SHOC1: variants seen among roughly 807,000 people sequenced by gnomAD.
SHOC1 encodes shortage in chiasmata 1.
Under a neutral mutation model 179.2 loss-of-function variants are expected in SHOC1, and 136 were observed. The ratio of observed to expected loss-of-function variants is 0.76; its 90% confidence interval spans 0.66 to 0.87. The LOEUF (loss-of-function observed/expected upper bound fraction) is 0.87. Ranked by LOEUF, SHOC1 falls within the 40% of genes least tolerant of loss-of-function variation. SHOC1 has a pLI of 0.00. For missense variants in SHOC1, 1,538 were observed against 1,700.8 expected, an observed-to-expected ratio of 0.90 and a Z score of 1.68; for synonymous variants, 489 against 586.6, an observed-to-expected ratio of 0.83 and a Z score of 2.41.
In SHOC1 at chr9:111,693,885, T is replaced by C. The variant is rs199889223; in HGVS notation, c.3379A>G (p.Lys1127Glu). 6.2e-7 allele frequency: 1 copy of C among 1,612,238 alleles called. No homozygotes were observed. The highest frequency in any genetic ancestry group is 2.2e-5 in the East Asian group (1 of 44,772). ...AATATCCAATGCAGTGAAGGTCCTTTATTTAGCATGAGCTGAGCCACCAAT... is the reference window on the plus strand; with the variant it reads ...AATATCCAATGCAGTGAAGGTCCTTCATTTAGCATGAGCTGAGCCACCAAT... ...NPLVAQLMLNKGPSLHWILLA... is the reference protein window; with the variant it reads ...NPLVAQLMLNEGPSLHWILLA... Residue 1127 changes from lysine to glutamate, a missense_variant, in exon 26 of 28, where the codon AAA (lysine) becomes GAA (glutamate). Lys to Glu is a moderately conservative substitution (Grantham distance 56). Transcript: ENST00000682961.
intron 1 of SHOC1, among the ~76,000 whole-genome samples, chr9:111,794,511 G>A (rs1355386537): frequency 6.6e-6 from 1 of 152,108 alleles, no homozygotes; most frequent in Non-Finnish European, 1.5e-5. Flanking sequence ...TTGAACTCGG[G>A]AGGCAGAGGT....
At position 111,691,737 on chromosome 9, in the gene SHOC1, T is replaced by C. The variant is rs1381052931; in HGVS notation, c.4240A>G (p.Lys1414Glu). 1 of 1,614,066 alleles carries C rather than the reference T, an allele frequency of 6.2e-7. No individual in the cohort carries two copies. Among genetic ancestry groups the C allele is most frequent in the African/African-American group, 1.3e-5 (1 of 75,060 alleles). ...ESEGLTCESSKDETFWRELPS... is the reference protein window; with the variant it reads ...ESEGLTCESSEDETFWRELPS... ...AATTCTCTCCAGAAAGTCTCATCTT[T>C]TGAACTTTCACATGTGAGGCCTTCA... The change falls in exon 27 of 28, where the codon AAA becomes GAA. Residue 1414 changes from lysine (K) to glutamate (E), a missense_variant. By Grantham distance (56) the Lys-to-Glu change is moderately conservative (BLOSUM62 1). Transcript: ENST00000682961.
intron 9 of SHOC1, 149 bp downstream of exon 9, chr9:111,747,943 G>A (rs1032374641): frequency 2.7e-5 from 14 of 515,460 alleles, no homozygotes; most frequent in Non-Finnish European, 4.8e-5. Context: ...AAATATAAAG[G>A]AGCAAATAAG....
intron 25 of SHOC1, 127 bp from the exon 26 acceptor site, chr9:111,694,075 T>A: frequency 9.3e-7 from 1 of 1,077,360 alleles, no homozygotes; most frequent in Non-Finnish European, 1.3e-6. Context: ...AGTGATCCAT[T>A]TTATTCTACT....
At chr9:111,712,404 G>A (rs1832592007) in intron 18 of SHOC1, among the ~76,000 whole-genome samples, 1 of 152,160 alleles carries the variant, frequency 6.6e-6, no homozygotes, top group African/African-American at 2.4e-5. Flanking sequence ...ATAATGTTTT[G>A]AAAATGATAA....
chr9:111,746,430 TTTGGGAG>T, intron 9 of SHOC1, 88 bp from the exon 10 acceptor site: 1 of 749,302 alleles, frequency 1.3e-6, no homozygotes, highest in East Asian at 2.8e-5. Context: ...ATTCTAACAC[TTTGGGAG>T]GCTGAGGTAG....
intron 2 of SHOC1, among the ~76,000 whole-genome samples, chr9:111,790,971 C>T (rs1014468797): frequency 1.3e-5 from 2 of 152,086 alleles, no homozygotes; most frequent in South Asian, 2.1e-4. Context: ...ATCCTTAATC[C>T]AAAAATTTGA....
At chr9:111,752,026 A>T (rs917865927) in intron 8 of SHOC1, among the ~76,000 whole-genome samples, 14 of 152,228 alleles carry the variant, frequency 9.2e-5, no homozygotes, top group African/African-American at 2.9e-4. Context: ...AAGGTACTAC[A>T]GTCTAAAGCA....
intron 12 of SHOC1, among the ~76,000 whole-genome samples, chr9:111,735,499 G>A (rs536466772): frequency 1.3e-5 from 2 of 152,180 alleles, no homozygotes; most frequent in African/African-American, 4.8e-5. Flanking sequence ...CCATGTCTCT[G>A]CAAAGGACAT....
intron 10 of SHOC1, among the ~76,000 whole-genome samples, chr9:111,744,609 C>T (rs150228892): frequency 6.6e-6 from 1 of 152,110 alleles, no homozygotes; most frequent in Non-Finnish European, 1.5e-5. Flanking sequence ...GAATTCAAAC[C>T]TAACACACAC....
At chr9:111,726,793 T>C (rs1379782387) in intron 13 of SHOC1, among the ~76,000 whole-genome samples, 1 of 152,154 alleles carries the variant, frequency 6.6e-6, no homozygotes, top group African/African-American at 2.4e-5. Context: ...AGATCAAAAA[T>C]GACAATAGAT....
chr9:111,725,469 A>G (rs1833256506), intron 13 of SHOC1, among the ~76,000 whole-genome samples: 1 of 150,102 alleles, frequency 6.7e-6, no homozygotes, highest in Admixed American at 6.6e-5. Context: ...ACCCAGTCCT[A>G]GGGTATGCTG....
rs759118672 is a variant in SHOC1 at position 111,694,201 on chromosome 9, T to C, written c.3315+30A>G. On this transcript the variant is annotated intron_variant, in intron 25 of 27. Coordinates refer to ENST00000682961, the MANE Select transcript of SHOC1 (RefSeq NM_001378211.1). ...ACAGGTTTTTATATTTGCTTTGCAA[T>C]TATCTATTTTACACATTTAGAAAAT... is the stretch of plus-strand genomic sequence containing the variant. 3.2e-6 allele frequency: 5 copies of C among 1,545,724 alleles called. No homozygotes were observed. The South Asian group carries it at 4.8e-5, about 15-fold the overall frequency.
Position 111,738,309 on chromosome 9 carries a change from A to AG in SHOC1, c.1387_1388insC (p.Phe463SerfsTer16). 1.2e-6 allele frequency: 2 copies of AG among 1,611,962 alleles called. No individual in the cohort carries two copies. Among genetic ancestry groups the AG allele is most frequent in the Non-Finnish European group, 1.7e-6 (2 of 1,179,230 alleles). ...TAATTGAAGCACTTTCGTAGGCAAA[A>AG]ATATCTCAATTTTAGTGTCATTAGA... On this transcript the variant is annotated frameshift_variant, in exon 12 of 28. Coordinates refer to ENST00000682961, the MANE Select transcript of SHOC1 (RefSeq NM_001378211.1). LOFTEE classifies it high-confidence loss of function.
intron 4 of SHOC1, among the ~76,000 whole-genome samples, chr9:111,776,187 G>C (rs1030715733): frequency 2.1e-5 from 3 of 142,696 alleles, no homozygotes; most frequent in Admixed American, 7.4e-5. Context: ...AATGACAACA[G>C]TATTCTATAA....
chr9:111,765,435 T>C (rs1240607650), intron 5 of SHOC1, among the ~76,000 whole-genome samples: 1 of 151,644 alleles, frequency 6.6e-6, no homozygotes, highest in Non-Finnish European at 1.5e-5. Flanking sequence ...CTGTCTCTAC[T>C]AAAAATACAA....
intron 5 of SHOC1, among the ~76,000 whole-genome samples, chr9:111,768,508 C>T (rs745706797): frequency 3.3e-5 from 5 of 152,272 alleles, no homozygotes; most frequent in Admixed American, 6.5e-5. Flanking sequence ...CGTGAGCCAC[C>T]GCGCCCAGCC....
chr9:111,728,501 TG>T (rs1256454348), intron 12 of SHOC1, among the ~76,000 whole-genome samples: 1 of 152,220 alleles, frequency 6.6e-6, no homozygotes, highest in Non-Finnish European at 1.5e-5. Flanking sequence ...GCAAAAGACT[TG>T]AACAATAGTT....
chr9:111,783,364 T>C (rs1461904647), intron 3 of SHOC1: 2 of 152,214 alleles, frequency 1.3e-5, no homozygotes, highest in Admixed American at 1.3e-4. Flanking sequence ...CAAACCACTC[T>C]TATCAAAGTC....
Sources: gnomAD v4.1 joint callset for allele counts (sites outside exome capture counted in the v4.1 genomes callset) on GRCh38, gnomAD v4.1.1 for gene constraint, MANE v1.5 for transcripts, NCBI Gene and HGNC (gene_info 2026-07-23, HGNC 2026-07-21) for gene names.